Variants in FCN2 observed in about 807,000 individuals in gnomAD.
The protein encoded by FCN2 is ficolin 2, also known as ficolin-2.
A neutral mutation model predicts 32.5 loss-of-function variants in FCN2; 31 were observed. The ratio of observed to expected loss-of-function variants is 0.96; its 90% CI spans 0.72 to 1.29. FCN2 has a LOEUF of 1.29. FCN2 is among the 50% of genes most tolerant of loss of function. The probability of loss-of-function intolerance (pLI) is 0.00; values close to 1 mark genes in which losing one functional copy is unlikely to be tolerated. For synonymous variants in FCN2, 181 were observed against 164.5 expected, an observed-to-expected ratio of 1.10 and a Z score of -0.77; for missense variants, 412 against 406.5, an observed-to-expected ratio of 1.01 and a Z score of -0.12.
upstream of FCN2, among the ~76,000 whole-genome samples, chr9:134,878,059 C>G (rs1251762546): frequency 6.6e-6 from 1 of 152,128 alleles, no homozygotes; most frequent in Admixed American, 6.6e-5. Context: ...GCCTCCCAGC[C>G]TACATCTTTC....
chr9:134,865,556 T>C, the FCN2 span, among the ~76,000 whole-genome samples: 2 of 152,216 alleles, frequency 1.3e-5, no homozygotes, highest in African/African-American at 4.8e-5. Flanking sequence ...TTATTAAGTA[T>C]TCATTGTTTA....
upstream of FCN2, among the ~76,000 whole-genome samples, chr9:134,880,528 G>A (rs72551120): frequency 8.5e-4 from 129 of 152,306 alleles, no homozygotes; most frequent in Non-Finnish European, 1.5e-3. Flanking sequence ...TCTGCTCACC[G>A]CTGAACAAAG....
the FCN2 span, among the ~76,000 whole-genome samples, chr9:134,871,398 C>T: frequency 2.0e-5 from 3 of 152,184 alleles, no homozygotes; most frequent in African/African-American, 7.2e-5. Context: ...TGGCATCTCG[C>T]GGGTCCCACC....
At position 134,886,493 on chromosome 9, in the gene FCN2, G is replaced by C; in HGVS notation, c.623G>C (p.Arg208Thr). 1 of 1,614,194 alleles carries C rather than the reference G, an allele frequency of 6.2e-7. No homozygotes were observed. Among genetic ancestry groups the C allele is most frequent in the Non-Finnish European group, 8.5e-7 (1 of 1,180,026 alleles). The change falls in exon 7 of 8, where the codon AGA becomes ACA. Residue 208 changes from arginine to threonine, a missense_variant. Coordinates refer to ENST00000291744, the MANE Select transcript of FCN2 (RefSeq NM_004108.3). ...FEDNYQFAKY[R>T]SFKVADEAEK... ...GACAACTACCAGTTTGCTAAGTACAGATCATTCAAGGTGGCCGACGAGGCG... is the reference window on the plus strand; with the variant it reads ...GACAACTACCAGTTTGCTAAGTACACATCATTCAAGGTGGCCGACGAGGCG...
intron 3 of FCN2, 54 bp downstream of exon 3, chr9:134,883,409 G>T (rs1265257197): frequency 2.7e-6 from 4 of 1,499,126 alleles, no homozygotes; most frequent in Middle Eastern, 1.7e-4. Context: ...AGACCTGGCT[G>T]CAGAGGAACG....
the FCN2 span, among the ~76,000 whole-genome samples, chr9:134,870,086 G>T: frequency 6.6e-6 from 1 of 152,330 alleles, no homozygotes. The surrounding 1 kb of genome is among the most constrained non-coding windows in gnomAD (Gnocchi z 4.3). Context: ...GCTAGGCAGG[G>T]TTCCTCTGCC....
intron 6 of FCN2, among the ~76,000 whole-genome samples, chr9:134,886,139 A>G (rs564220677): frequency 6.6e-6 from 1 of 152,272 alleles, no homozygotes; most frequent in Admixed American, 6.5e-5. Context: ...CCCCACTGGC[A>G]TCTCAGGTCC....
chr9:134,884,669 C>T (rs572828325), intron 3 of FCN2, 71 bp from the exon 4 acceptor site: 122 of 1,473,620 alleles, frequency 8.3e-5, no homozygotes, highest in African/African-American at 1.7e-4. Flanking sequence ...ATGGTGTCCG[C>T]GGACCAATGG....
At chr9:134,875,109 A>G in the FCN2 span, among the ~76,000 whole-genome samples, 1 of 152,252 alleles carries the variant, frequency 6.6e-6, no homozygotes, top group Non-Finnish European at 1.5e-5. Flanking sequence ...GATTTTCTAC[A>G]GAATCATGTC....
At chr9:134,884,153 C>T (rs897743544) in intron 3 of FCN2, among the ~76,000 whole-genome samples, 1 of 152,086 alleles carries the variant, frequency 6.6e-6, no homozygotes, top group African/African-American at 2.4e-5. Context: ...AGTGGAAATT[C>T]TCTGCTTTAA....
In FCN2 at chr9:134,887,484, C is replaced by T; in HGVS notation, c.*69C>T. 1 of 1,486,646 alleles carries T rather than the reference C, an allele frequency of 6.7e-7. No homozygotes were observed. The highest frequency in any genetic ancestry group is 9.3e-7 in the Non-Finnish European group (1 of 1,070,994). 92.1% of individuals were successfully genotyped at this position (1,486,646 alleles called of 1,614,324 possible). A position where few individuals can be genotyped will look rare whatever the true frequency, so the allele number is the denominator to read the frequency against. On this transcript the variant is annotated 3_prime_UTR_variant, in exon 8 of 8. Coordinates refer to ENST00000291744, the MANE Select transcript of FCN2 (RefSeq NM_004108.3). ...TTGGGGGGTAGGGTTGGGAGCTTGG[C>T]CCTACGGTTTGTAAAAGAAACACAT...
upstream of FCN2, among the ~76,000 whole-genome samples, chr9:134,877,799 G>A (rs1437941201): frequency 1.3e-5 from 2 of 152,206 alleles, no homozygotes; most frequent in African/African-American, 4.8e-5. Flanking sequence ...GAGGCACAGA[G>A]GTAGCTTGTG....
chr9:134,883,746 G>A (rs1057140242), intron 3 of FCN2, among the ~76,000 whole-genome samples: 3 of 146,328 alleles, frequency 2.1e-5, no homozygotes, highest in African/African-American at 7.6e-5. Context: ...GTGGGGAGGT[G>A]TTATCAGCAG....
chr9:134,882,811 G>A (rs113851583), intron 2 of FCN2, among the ~76,000 whole-genome samples, 172 bp downstream of exon 2: 18 of 152,172 alleles, frequency 1.2e-4, no homozygotes, highest in East Asian at 1.9e-4. Flanking sequence ...TGGAGGGAGC[G>A]TCTTTCTTAG....
upstream of FCN2, among the ~76,000 whole-genome samples, chr9:134,877,105 C>G (rs1039244915): frequency 6.6e-6 from 1 of 151,832 alleles, no homozygotes; most frequent in Non-Finnish European, 1.5e-5. Flanking sequence ...TTTGATTTAC[C>G]TTCTCAAAGA....
At chr9:134,872,695 C>A in the FCN2 span, among the ~76,000 whole-genome samples, 1 of 152,082 alleles carries the variant, frequency 6.6e-6, no homozygotes, top group Admixed American at 6.5e-5. Context: ...GACTTGTTCA[C>A]CATCACGAGA....
At chr9:134,882,951 G>A (rs1283282913) in intron 2 of FCN2, among the ~76,000 whole-genome samples, 2 of 152,162 alleles carry the variant, frequency 1.3e-5, no homozygotes, top group East Asian at 1.9e-4. Flanking sequence ...ACCTCAACAC[G>A]GAGGCCATGA....
chr9:134,881,522 G>A (rs932272192), intron 1 of FCN2, among the ~76,000 whole-genome samples: 3 of 152,162 alleles, frequency 2.0e-5, no homozygotes, highest in Non-Finnish European at 4.4e-5. Flanking sequence ...CGGCGCATGC[G>A]AGGGCAGGTT....
intron 3 of FCN2, 106 bp from the exon 4 acceptor site, chr9:134,884,634 A>G: frequency 2.6e-6 from 3 of 1,160,332 alleles, no homozygotes; most frequent in Non-Finnish European, 2.6e-6. Context: ...GACCCATACC[A>G]TCACCTCCTG....
Sources: allele counts gnomAD v4.1 joint callset (sites outside exome capture counted in the v4.1 genomes callset), GRCh38; gene constraint gnomAD v4.1.1; non-coding constraint Gnocchi (gnomAD v3.1); transcripts MANE v1.5; gene names NCBI Gene and HGNC (gene_info 2026-07-23, HGNC 2026-07-21).